Variants in FRMD4A observed in about 807,000 individuals in gnomAD.
FRMD4A encodes the protein FERM domain-containing protein 4A.
In FRMD4A, 29 loss-of-function variants were observed where a neutral mutation model predicts 129.1. The ratio of observed to expected loss-of-function variants is 0.22; its 90% CI spans 0.17 to 0.31. The LOEUF (loss-of-function observed/expected upper bound fraction) is 0.31, where lower values mean the gene tolerates loss of function less well. Among genes scored for constraint, FRMD4A ranks in the 10% least tolerant of loss-of-function variants. The pLI is 1.00. For synonymous variants in FRMD4A, 634 were observed against 571.6 expected (o/e 1.11, Z -1.56); for missense variants, 1,272 against 1,375.8 (o/e 0.92, Z 1.19).
At chr10:14,242,472 C>T (rs1044426309) in intron 2 of FRMD4A, among the ~76,000 whole-genome samples, 3 of 152,110 alleles carry the variant, frequency 2.0e-5, no homozygotes, top group African/African-American at 7.2e-5. Context: ...TGATAGATAG[C>T]CCGCAGGTAT....
intron 2 of FRMD4A, among the ~76,000 whole-genome samples, chr10:14,246,415 G>A (rs942106429): frequency 2.7e-5 from 4 of 150,850 alleles, no homozygotes; most frequent in South Asian, 4.2e-4. Context: ...ACAAGTGCAC[G>A]CATACACACT....
intron 2 of FRMD4A, chr10:14,074,827 G>A (rs1463984081): frequency 6.6e-6 from 1 of 152,204 alleles, no homozygotes; most frequent in Non-Finnish European, 1.5e-5. Flanking sequence ...GATAACCCTG[G>A]TAAGCCATGG....
intron 13 of FRMD4A, among the ~76,000 whole-genome samples, chr10:13,702,977 A>G (rs1483222545): frequency 1.3e-5 from 2 of 151,322 alleles, no homozygotes; most frequent in East Asian, 1.9e-4. Context: ...TGAAAAAAGG[A>G]GCCAGGGAGA....
chr10:14,169,116 A>AC (rs1841343300), intron 2 of FRMD4A, among the ~76,000 whole-genome samples: 1 of 684 alleles, frequency 1.5e-3, no homozygotes, highest in Non-Finnish European at 2.8e-3. Flanking sequence ...TTATGGAAAA[A>AC]TTAAACATAA....
chr10:14,117,790 A>G (rs117896921), intron 2 of FRMD4A, among the ~76,000 whole-genome samples: 1,985 of 152,264 alleles, frequency 0.013, 21 homozygotes, highest in South Asian at 0.021. Flanking sequence ...CTTTTGATGG[A>G]CTTTTGCCTT....
At position 13,659,486 on chromosome 10, in the gene FRMD4A, G is replaced by A; in HGVS notation, c.1903C>T (p.His635Tyr). The part of the protein sequence containing the change: ...KRSSHSHSSS[H>Y]KRFPSTGSCA... ...CTTCCTGTGCTGGGGAAGCGCTTGT[G>A]GCTGCTGCAAAGCCAAGGATGCCAC... The change falls in exon 21 of 25, where the codon CAC (histidine) becomes TAC (tyrosine). Residue 635 changes from histidine (H) to tyrosine (Y), a missense_variant. Transcript: ENST00000357447. 6.2e-7 allele frequency: 1 copy of A among 1,612,076 alleles called. No homozygotes were observed. Among genetic ancestry groups the A allele is most frequent in the Non-Finnish European group, 8.5e-7 (1 of 1,178,998 alleles).
At chr10:13,651,667 T>C (rs1287585640) in intron 24 of FRMD4A, 1 of 521,760 alleles carries the variant, frequency 1.9e-6, no homozygotes, top group East Asian at 3.4e-5. Flanking sequence ...AACAAGACTC[T>C]GTCTCAAAAC....
chr10:14,226,096 A>C (rs1843426064), intron 2 of FRMD4A, among the ~76,000 whole-genome samples: 1 of 151,798 alleles, frequency 6.6e-6, no homozygotes, highest in Non-Finnish European at 1.5e-5. Flanking sequence ...CTCTCAGGTC[A>C]CCTCCCTGCA....
intron 2 of FRMD4A, among the ~76,000 whole-genome samples, chr10:14,102,016 T>C (rs768040391): frequency 3.3e-5 from 5 of 152,220 alleles, no homozygotes; most frequent in African/African-American, 4.8e-5. Context: ...TAGACTACCA[T>C]GCTTTTTGGG....
chr10:13,857,760 G>A (rs1267684740), intron 3 of FRMD4A, among the ~76,000 whole-genome samples: 1 of 152,182 alleles, frequency 6.6e-6, no homozygotes, highest in Non-Finnish European at 1.5e-5. Context: ...CAATGCTCTA[G>A]GACTTGGAGA....
intron 2 of FRMD4A, among the ~76,000 whole-genome samples, chr10:14,046,986 G>C (rs1241200327): frequency 6.6e-6 from 1 of 152,110 alleles, no homozygotes; most frequent in Non-Finnish European, 1.5e-5. Flanking sequence ...ACATCCTGGG[G>C]CCATGTTGTC....
At chr10:14,183,175 T>C (rs1203903279) in intron 2 of FRMD4A, among the ~76,000 whole-genome samples, 1 of 152,236 alleles carries the variant, frequency 6.6e-6, no homozygotes, top group Non-Finnish European at 1.5e-5. Context: ...TTAGACTCGA[T>C]TTTTCTTAAT....
At chr10:14,174,161 CGGGTGG>C (rs1001613201) in intron 2 of FRMD4A, among the ~76,000 whole-genome samples, 11 of 152,184 alleles carry the variant, frequency 7.2e-5, no homozygotes, top group Non-Finnish European at 1.2e-4. Flanking sequence ...TCCCCTCTCC[CGGGTGG>C]CGCCTCTGCA....
intron 2 of FRMD4A, among the ~76,000 whole-genome samples, chr10:13,931,998 C>T (rs933063387): frequency 6.6e-6 from 1 of 152,104 alleles, no homozygotes; most frequent in Non-Finnish European, 1.5e-5. Context: ...AACCAACCCC[C>T]TTCTACACAA....
At chr10:14,226,652 G>A (rs996388434) in intron 2 of FRMD4A, among the ~76,000 whole-genome samples, 1 of 152,066 alleles carries the variant, frequency 6.6e-6, no homozygotes, top group Non-Finnish European at 1.5e-5. Flanking sequence ...CGTGTTCTAA[G>A]GGCATGGCGG....
chr10:14,070,250 C>T (rs1479981852), intron 2 of FRMD4A, among the ~76,000 whole-genome samples: 1 of 152,190 alleles, frequency 6.6e-6, no homozygotes, highest in East Asian at 1.9e-4. Context: ...TAATCCAGCA[C>T]CTCCTCTATC....
At chr10:14,107,921 G>A (rs1018839900) in intron 2 of FRMD4A, among the ~76,000 whole-genome samples, 24 of 152,296 alleles carry the variant, frequency 1.6e-4, no homozygotes, top group African/African-American at 5.8e-4. Context: ...AGTAGCCTTA[G>A]GAATAAGTGT....
intron 2 of FRMD4A, among the ~76,000 whole-genome samples, chr10:14,059,602 C>T (rs150325937): frequency 6.6e-6 from 1 of 152,190 alleles, no homozygotes; most frequent in Admixed American, 6.5e-5. Context: ...TTGAACTCCC[C>T]AGCATCCAGA....
intron 12 of FRMD4A, among the ~76,000 whole-genome samples, chr10:13,730,615 G>A (rs1001151182): frequency 1.3e-5 from 2 of 152,042 alleles, no homozygotes; most frequent in African/African-American, 4.8e-5. Context: ...TGTGAAATAC[G>A]GAGCCTCTCA....
Sources: gnomAD v4.1 joint callset for allele counts (sites outside exome capture counted in the v4.1 genomes callset) on GRCh38, gnomAD v4.1.1 for gene constraint, MANE v1.5 for transcripts, NCBI Gene and HGNC (gene_info 2026-07-23, HGNC 2026-07-21) for gene names.